Variants in FMO3 observed in about 807,000 individuals in gnomAD.
The protein encoded by FMO3 is flavin containing dimethylaniline monoxygenase 3.
Under a neutral mutation model 39.4 loss-of-function variants are expected in FMO3, and 40 were observed. That is an observed-to-expected ratio of 1.02 (90% CI 0.79 to 1.32). FMO3 has a LOEUF of 1.32. Among genes scored for constraint, FMO3 ranks in the 40% most tolerant of loss-of-function variants. FMO3 has a pLI of 0.00. For synonymous variants in FMO3, 219 were observed against 228.8 expected (o/e 0.96, Z 0.39); for missense variants, 680 against 651.8 (o/e 1.04, Z -0.47).
Position 171,117,132 on chromosome 1 carries a change from A to G in FMO3, c.1289A>G (p.Tyr430Cys). ...FGKSETIQTDYIVYMDELSSF... is the reference protein window; with the variant it reads ...FGKSETIQTDCIVYMDELSSF... ...AAAAGCGAGACCATACAGACAGATT[A>G]CATTGTTTATATGGATGAACTCTCC... Residue 430 changes from tyrosine (Y) to cysteine (C), a missense_variant, in exon 9 of 9, where the codon TAC becomes TGC. Tyr to Cys is a radical substitution (Grantham distance 194). Transcript: ENST00000367755. 1 of 1,614,184 alleles carries G rather than the reference A, an allele frequency of 6.2e-7. No individual in the cohort carries two copies. Among genetic ancestry groups the G allele is most frequent in the Non-Finnish European group, 8.5e-7 (1 of 1,180,010 alleles).
At position 171,117,496 on chromosome 1, in the gene FMO3, T is replaced by A; in HGVS notation, c.*54T>A. ...TTACTGACAATACCCAGACAGGGGCTTTGCTATTTAAAAATTAAAATTTTC... is the reference window on the plus strand; with the variant it reads ...TTACTGACAATACCCAGACAGGGGCATTGCTATTTAAAAATTAAAATTTTC... On this transcript the variant is annotated 3_prime_UTR_variant, in exon 9 of 9. Coordinates refer to ENST00000367755, the MANE Select transcript of FMO3 (RefSeq NM_001002294.3). 6.8e-7 allele frequency: 1 copy of A among 1,465,782 alleles called. No homozygotes were observed. The allele number at this position is 1,465,782 out of a possible 1,614,324, so 90.8% of individuals were successfully genotyped here.
rs1656029982 is a variant in FMO3 at position 171,114,061 on chromosome 1, T to C, written c.882T>C (p.Cys294=). The C allele has an allele frequency of 6.2e-7, 1 of 1,613,294 alleles. No individual in the cohort carries two copies. The highest frequency in any genetic ancestry group is 8.5e-7 in the Non-Finnish European group (1 of 1,179,420). The change falls in exon 7 of 9, where the codon TGT becomes TGC. Residue 294 remains cysteine, a synonymous_variant. Transcript: ENST00000367755. ...FNDELPASIL[C]GIVSVKPNVK... ...ATGAGCTCCCAGCAAGCATTCTGTG[T>C]GGCATTGTGTCCGTAAAGCCTAACG...
At chr1:171,116,027 G>C (rs911077530) in intron 7 of FMO3, among the ~76,000 whole-genome samples, 181 bp from the exon 8 acceptor site, 1 of 152,160 alleles carries the variant, frequency 6.6e-6, no homozygotes, top group African/African-American at 2.4e-5. Context: ...AGCTATTTAG[G>C]TAATGTTTTT....
chr1:171,116,241 T>C lies in FMO3; in HGVS notation c.1217T>C (p.Met406Thr). The stretch of plus-strand genomic sequence containing the variant: ...ACTTTGCCTTCTATGGAAGACATGA[T>C]GAATGATATTAATGAGAAAATGGAG... ...TCTLPSMEDMMNDINEKMEKK... is the reference protein window; with the variant it reads ...TCTLPSMEDMTNDINEKMEKK... Residue 406 changes from methionine (M) to threonine (T), a missense_variant, in exon 8 of 9, where the codon ATG (methionine) becomes ACG (threonine). Transcript: ENST00000367755. 3 of 1,605,652 alleles carry C rather than the reference T, an allele frequency of 1.9e-6. No individual in the cohort carries two copies. The highest frequency in any genetic ancestry group is 2.6e-6 in the Non-Finnish European group (3 of 1,172,532).
At chr1:171,105,547 C>T (rs1260758066) in intron 3 of FMO3, among the ~76,000 whole-genome samples, 2 of 152,034 alleles carry the variant, frequency 1.3e-5, no homozygotes, top group African/African-American at 2.4e-5. Flanking sequence ...CTCTCCAGCA[C>T]CTGTTGTTTC....
chr1:171,113,911 TG>T (rs1163011733), intron 6 of FMO3, 95 bp from the exon 7 acceptor site: 10 of 867,024 alleles, frequency 1.2e-5, no homozygotes, highest in Non-Finnish European at 1.8e-5. Flanking sequence ...AAAAAAATCT[TG>T]GGTCATTTTT....
chr1:171,098,527 T>C (rs1202788986), intron 2 of FMO3, among the ~76,000 whole-genome samples: 5 of 152,214 alleles, frequency 3.3e-5, no homozygotes, highest in African/African-American at 9.6e-5. Flanking sequence ...GTTGGATTCC[T>C]AGGTATTTTA....
In FMO3 at chr1:171,108,087, C is replaced by T; in HGVS notation, c.493C>T (p.His165Tyr). ...LPKESFPGLNHFKGKCFHSRD... is the reference protein window; with the variant it reads ...LPKESFPGLNYFKGKCFHSRD... ...TCTCACTTTTCACTCAGGACTAAAC[C>T]ACTTTAAAGGCAAATGCTTCCACAG... The change falls in exon 5 of 9, where the codon CAC becomes TAC. Residue 165 changes from histidine (H) to tyrosine (Y), a missense_variant. His to Tyr is a moderately conservative substitution (Grantham distance 83). Transcript: ENST00000367755. The T allele has an allele frequency of 6.2e-7, 1 of 1,613,782 alleles. No individual in the cohort carries two copies.
In FMO3 at chr1:171,108,224, A is replaced by G. The variant is rs1655740510; in HGVS notation, c.627+3A>G. 1.2e-6 allele frequency: 2 copies of G among 1,613,758 alleles called. No individual in the cohort carries two copies. Among genetic ancestry groups the G allele is most frequent in the South Asian group, 1.1e-5 (1 of 91,078 alleles). On this transcript the variant is annotated splice_donor_region_variant and intron_variant, in intron 5 of 8. Coordinates refer to ENST00000367755, the MANE Select transcript of FMO3 (RefSeq NM_001002294.3). ...AACTCAGCCGCACAGCAGAACAGGT[A>G]CTACTCCCCGGGTACTCGGGTGACT...
chr1:171,108,016 C>T (rs1396301161), intron 4 of FMO3, 63 bp from the exon 5 acceptor site: 1 of 1,572,706 alleles, frequency 6.4e-7, no homozygotes. Flanking sequence ...AAGGTCGCTT[C>T]TGTTAAAGTC....
rs72549335 is a variant in FMO3, at chr1:171,117,350, G to A, written c.1507G>A (p.Gly503Arg). The part of the protein sequence containing the change: ...SLKPMQTRVV[G>R]RLQKPCFFFH... ...GAAACCCATGCAGACACGAGTGGTC[G>A]GGAGACTTCAGAAGCCTTGCTTCTT... The change falls in exon 9 of 9, where the codon GGG becomes AGG. Residue 503 changes from glycine (G) to arginine (R), a missense_variant. Physicochemically the swap from Gly to Arg is moderately radical, Grantham distance 125 (BLOSUM62 -2). Coordinates refer to ENST00000367755, the MANE Select transcript of FMO3 (RefSeq NM_001002294.3). 1.6e-4 allele frequency: 264 copies of A among 1,613,180 alleles called. No homozygotes were observed. The highest frequency in any genetic ancestry group is 2.1e-4 in the Non-Finnish European group (253 of 1,179,604).
rs748628589 is a variant in FMO3, at chr1:171,117,064, G to T, written c.1257-36G>T. 3.4e-6 allele frequency: 5 copies of T among 1,453,282 alleles called. No homozygotes were observed. The South Asian group carries it at 4.6e-5, about 13-fold the overall frequency. 90.0% of individuals were successfully genotyped at this position (1,453,282 alleles called of 1,614,324 possible). ...TCTGTTCTGTTTCTACACAGAGTTT[G>T]GGTATCCACAGTGGTGTTTTCTCTC... is the stretch of plus-strand genomic sequence containing the variant. On this transcript the variant is annotated intron_variant, in intron 8 of 8. Coordinates refer to ENST00000367755, the MANE Select transcript of FMO3 (RefSeq NM_001002294.3).
chr1:171,095,973 T>C (rs1178423734), intron 2 of FMO3, among the ~76,000 whole-genome samples: 2 of 5,806 alleles, frequency 3.4e-4, no homozygotes, highest in Non-Finnish European at 6.5e-4. Context: ...TATTTATAAT[T>C]ATATAGATAT....
At position 171,104,473 on chromosome 1, in the gene FMO3, CAG is replaced by C. The variant is rs1490811303; in HGVS notation, c.321+502_321+503del. On this transcript the variant is annotated intron_variant, in intron 3 of 8. Transcript: ENST00000367755. ...TTTAAAAAAATTAGTAAAAGAAAGA[CAG>C]AATAAACTCAAAGAACATAGAATGA... is the stretch of plus-strand genomic sequence containing the variant. Among the ~76,000 whole-genome samples the C allele has an allele frequency of 3.3e-5, 5 of 151,592 alleles. No homozygotes were observed. The East Asian group carries it at 5.8e-4, about 18-fold the overall frequency.
chr1:171,096,024 T>TTATATATA (rs1654979671), intron 2 of FMO3, among the ~76,000 whole-genome samples: 1 of 46,330 alleles, frequency 2.2e-5, no homozygotes, highest in Non-Finnish European at 3.3e-5. Context: ...TATTATATAT[T>TTATATATA]AATATATAAT....
intron 2 of FMO3, chr1:171,100,403 C>G (rs1655327513): frequency 6.6e-6 from 1 of 152,250 alleles, no homozygotes; most frequent in African/African-American, 2.4e-5. Flanking sequence ...TACTGGATTT[C>G]AAAATTGCTT....
chr1:171,108,647 TAC>T (rs987005989), intron 5 of FMO3, among the ~76,000 whole-genome samples: 10 of 152,136 alleles, frequency 6.6e-5, no homozygotes, highest in African/African-American at 2.4e-4. Context: ...ACTTAAGCAA[TAC>T]AGAGTGGCTC....
intron 3 of FMO3, among the ~76,000 whole-genome samples, chr1:171,105,524 A>G (rs1199982275): frequency 1.3e-5 from 2 of 152,008 alleles, no homozygotes; most frequent in South Asian, 2.1e-4. Flanking sequence ...AAGTGTTCCT[A>G]TTTCTCCACA....
chr1:171,099,759 C>CTTTTTTTTTTTTTTTTTTTTTTTTTTT (rs747274398), intron 2 of FMO3: 18 of 117,588 alleles, frequency 1.5e-4, no homozygotes, highest in Middle Eastern at 5.2e-3. Context: ...CCATGTCTTT[C>CTTTTTTTTTTTTTTTTTTTTTTTTTTT]TTTTTTTTTT....
Sources: gnomAD v4.1 joint callset for allele counts (sites outside exome capture counted in the v4.1 genomes callset) on GRCh38, gnomAD v4.1.1 for gene constraint, MANE v1.5 for transcripts, NCBI Gene and HGNC (gene_info 2026-07-23, HGNC 2026-07-21) for gene names.